CXCL13: variants seen among roughly 807,000 people sequenced by gnomAD.
The protein encoded by CXCL13 is C-X-C motif chemokine ligand 13.
A neutral mutation model predicts 12.2 loss-of-function variants in CXCL13; 7 were observed. That is an observed-to-expected ratio of 0.57 (90% CI 0.33 to 1.07). CXCL13 has a LOEUF of 1.07. CXCL13 is among the 50% of genes least tolerant of loss of function. The pLI, the probability that CXCL13 is intolerant of heterozygous loss-of-function variation, is 0.04. For synonymous variants in CXCL13, 47 were observed against 42.4 expected, an observed-to-expected ratio of 1.11 and a Z score of -0.42; for missense variants, 113 against 127.4, an observed-to-expected ratio of 0.89 and a Z score of 0.55.
At chr4:77,518,614 C>T (rs562454542) in intron 1 of CXCL13, among the ~76,000 whole-genome samples, 32 of 152,328 alleles carry the variant, frequency 2.1e-4, no homozygotes, top group Admixed American at 5.9e-4. Context: ...GCATTCTTCA[C>T]GTCGTTCTCG....
At chr4:77,524,123 G>C (rs1724698267) in intron 1 of CXCL13, among the ~76,000 whole-genome samples, 1 of 152,142 alleles carries the variant, frequency 6.6e-6, no homozygotes, top group Non-Finnish European at 1.5e-5. Flanking sequence ...AGGGGCACCT[G>C]CCTATATGAG....
intron 1 of CXCL13, among the ~76,000 whole-genome samples, chr4:77,548,765 A>T (rs912193806): frequency 2.0e-5 from 3 of 152,124 alleles, no homozygotes; most frequent in African/African-American, 7.2e-5. Flanking sequence ...GCTGCCCTTA[A>T]CATTTTTTCC....
intron 1 of CXCL13, among the ~76,000 whole-genome samples, chr4:77,553,917 G>A (rs1725594992): frequency 6.6e-6 from 1 of 152,002 alleles, no homozygotes; most frequent in African/African-American, 2.4e-5. Flanking sequence ...ATTGTATTTG[G>A]GATTTTGCTA....
intron 1 of CXCL13, among the ~76,000 whole-genome samples, chr4:77,564,545 A>G (rs944237213): frequency 1.3e-5 from 2 of 152,202 alleles, no homozygotes; most frequent in Non-Finnish European, 2.9e-5. Context: ...CTGTACCTGG[A>G]ACTGTTAAAA....
chr4:77,601,434 AC>A (rs1726879740), upstream of CXCL13, among the ~76,000 whole-genome samples: 1 of 152,132 alleles, frequency 6.6e-6, no homozygotes, highest in East Asian at 1.9e-4. Context: ...AAAATAAAAC[AC>A]CCCCTGTGTA....
intron 1 of CXCL13, among the ~76,000 whole-genome samples, chr4:77,529,864 G>A (rs570161839): frequency 2.6e-5 from 4 of 152,270 alleles, no homozygotes; most frequent in African/African-American, 9.6e-5. Flanking sequence ...AGTTTTCAAA[G>A]GGAATGGTTC....
intron 1 of CXCL13, among the ~76,000 whole-genome samples, chr4:77,543,895 C>T (rs948019636): frequency 1.2e-4 from 18 of 152,192 alleles, no homozygotes; most frequent in African/African-American, 4.3e-4. Context: ...TATACCTCAC[C>T]ACTCCCCCAA....
chr4:77,571,961 G>A (rs748487496), intron 1 of CXCL13, among the ~76,000 whole-genome samples: 1 of 151,404 alleles, frequency 6.6e-6, no homozygotes, highest in Non-Finnish European at 1.5e-5. Flanking sequence ...CACTGCGAAG[G>A]TCTGCAGCTT....
At chr4:77,593,585 T>C (rs973483140) in intron 1 of CXCL13, among the ~76,000 whole-genome samples, 1 of 152,244 alleles carries the variant, frequency 6.6e-6, no homozygotes, top group African/African-American at 2.4e-5. Flanking sequence ...TGAAAATCAT[T>C]TCACATTTTA....
chr4:77,513,458 T>C (rs1724322945), intron 1 of CXCL13, among the ~76,000 whole-genome samples: 1 of 151,756 alleles, frequency 6.6e-6, no homozygotes, highest in Admixed American at 6.6e-5. Context: ...TTCCTGACTT[T>C]TTTTTTTTTT....
chr4:77,515,282 C>T (rs989091178), intron 1 of CXCL13, among the ~76,000 whole-genome samples: 21 of 152,088 alleles, frequency 1.4e-4, no homozygotes, highest in African/African-American at 1.4e-4. Flanking sequence ...ATTGACATGG[C>T]GATGTGGGCT....
intron 1 of CXCL13, among the ~76,000 whole-genome samples, chr4:77,571,949 C>T (rs369490586): frequency 2.0e-5 from 3 of 151,802 alleles, no homozygotes; most frequent in African/African-American, 7.3e-5. Flanking sequence ...AGCTGTAACA[C>T]TCACTGCGAA....
intron 1 of CXCL13, among the ~76,000 whole-genome samples, chr4:77,544,211 G>C (rs1725294897): frequency 6.6e-6 from 1 of 152,134 alleles, no homozygotes; most frequent in Admixed American, 6.6e-5. Flanking sequence ...AAACGTATGT[G>C]TGCATGTGTC....
At position 77,610,613 on chromosome 4, in the gene CXCL13, G is replaced by T. The variant is rs2109839726; in HGVS notation, c.198-1G>T. On this transcript the variant is annotated splice_acceptor_variant, in intron 2 of 3. Transcript: ENST00000682537. LOFTEE classifies it high-confidence loss of function. ...ATTATTTAATTTTTATTTTCCCCCA[G>T]AGTCTGGAAGAAGAACAAGTCAATT... 3 of 1,605,864 alleles carry T rather than the reference G, an allele frequency of 1.9e-6. No homozygotes were observed. The highest frequency in any genetic ancestry group is 2.6e-6 in the Non-Finnish European group (3 of 1,172,606).
upstream of CXCL13, among the ~76,000 whole-genome samples, chr4:77,601,113 C>T (rs1464390581): frequency 6.6e-6 from 1 of 152,118 alleles, no homozygotes; most frequent in East Asian, 1.9e-4. Flanking sequence ...TAATAGCTTT[C>T]GGTACACACG....
intron 1 of CXCL13, among the ~76,000 whole-genome samples, chr4:77,539,129 A>G (rs1260326156): frequency 6.7e-6 from 1 of 148,238 alleles, no homozygotes; most frequent in East Asian, 2.0e-4. Flanking sequence ...CAGTGGCGTG[A>G]TCTCAGCTCA....
At chr4:77,583,004 C>CA (rs1305454558) in intron 1 of CXCL13, among the ~76,000 whole-genome samples, 2 of 152,160 alleles carry the variant, frequency 1.3e-5, no homozygotes, top group Non-Finnish European at 2.9e-5. Flanking sequence ...TTATAATAGT[C>CA]ATGCTGTTAC....
upstream of CXCL13, among the ~76,000 whole-genome samples, chr4:77,605,306 G>A (rs957892951): frequency 2.6e-5 from 4 of 152,152 alleles, no homozygotes; most frequent in African/African-American, 4.8e-5. Context: ...AGACTGGTAG[G>A]AAAATCAATA....
intron 1 of CXCL13, among the ~76,000 whole-genome samples, chr4:77,515,075 A>T (rs1190281627): frequency 6.6e-6 from 1 of 152,136 alleles, no homozygotes; most frequent in Non-Finnish European, 1.5e-5. Flanking sequence ...TCCTTTCCCC[A>T]TTGCTTGTTT....
Sources: allele counts gnomAD v4.1 joint callset (sites outside exome capture counted in the v4.1 genomes callset), GRCh38; gene constraint gnomAD v4.1.1; transcripts MANE v1.5; gene names NCBI Gene and HGNC (gene_info 2026-07-23, HGNC 2026-07-21).